Variants in CRK observed in about 807,000 individuals in gnomAD.
CRK encodes the protein adapter molecule crk.
Under a neutral mutation model 29.8 loss-of-function variants are expected in CRK, and 4 were observed. That is an observed-to-expected ratio of 0.13 (90% CI 0.07 to 0.31). The LOEUF is 0.31. Ranked by LOEUF, CRK falls within the 10% of genes least tolerant of loss-of-function variation. The pLI is 1.00. For missense variants in CRK, 274 were observed against 396.5 expected (o/e 0.69, Z 2.62); for synonymous variants, 153 against 164.9 (o/e 0.93, Z 0.55).
intron 1 of CRK, among the ~76,000 whole-genome samples, chr17:1,454,464 C>T (rs1290221744): frequency 6.6e-6 from 1 of 152,124 alleles, no homozygotes; most frequent in African/African-American, 2.4e-5. Flanking sequence ...CGCCGTGAGC[C>T]GAGATTGCGC....
At chr17:1,428,893 T>A (rs1034541008) in intron 2 of CRK, among the ~76,000 whole-genome samples, 2 of 151,450 alleles carry the variant, frequency 1.3e-5, no homozygotes, top group Non-Finnish European at 2.9e-5. Flanking sequence ...TCACCCAGGC[T>A]GGAGTCCAGT....
At chr17:1,431,160 G>A (rs1179292648) in intron 2 of CRK, among the ~76,000 whole-genome samples, 1 of 152,176 alleles carries the variant, frequency 6.6e-6, no homozygotes, top group South Asian at 2.1e-4. Context: ...ATGCTCCTGA[G>A]GTCCCAAAGG....
intron 2 of CRK, among the ~76,000 whole-genome samples, chr17:1,430,313 G>A (rs1003889289): frequency 5.9e-5 from 9 of 151,520 alleles, no homozygotes; most frequent in African/African-American, 2.2e-4. Flanking sequence ...CTCCCAAAGT[G>A]CTGGGATTAC....
intron 1 of CRK, among the ~76,000 whole-genome samples, chr17:1,450,543 C>A (rs2074009669): frequency 6.6e-6 from 1 of 151,516 alleles, no homozygotes. Context: ...AAAAATGACA[C>A]CTAAGCCATT....
chr17:1,446,548 C>T (rs1243605008), intron 1 of CRK, among the ~76,000 whole-genome samples: 1 of 150,178 alleles, frequency 6.7e-6, no homozygotes, highest in Non-Finnish European at 1.5e-5. Flanking sequence ...TAATTCTCTT[C>T]TTGGTCAAAT....
rs1002676235 is a variant in CRK, at chr17:1,436,546, C to T, written c.777+74G>A. 57 of 1,472,920 alleles carry T rather than the reference C, an allele frequency of 3.9e-5. No individual in the cohort carries two copies. The Admixed American group carries it at 1.2e-3, about 30-fold the overall frequency. The allele number at this position is 1,472,920 out of a possible 1,614,324, so 91.2% of individuals were successfully genotyped here. A position where few individuals can be genotyped will look rare whatever the true frequency, so the allele number is the denominator to read the frequency against. ...CATCCCAATGCTGTAGTCAGCATTG[C>T]TACAAAGCTCTAAGAGGACCGAGAG... On this transcript the variant is annotated intron_variant, in intron 2 of 2. Transcript: ENST00000300574.
intron 1 of CRK, among the ~76,000 whole-genome samples, chr17:1,451,728 A>C (rs554303807): frequency 3.9e-5 from 6 of 151,946 alleles, no homozygotes; most frequent in South Asian, 4.2e-4. Flanking sequence ...GGAAAAAAAA[A>C]CAAAAAACAC....
intron 1 of CRK, among the ~76,000 whole-genome samples, chr17:1,446,227 A>C (rs1254223483): frequency 6.6e-6 from 1 of 152,160 alleles, no homozygotes; most frequent in Non-Finnish European, 1.5e-5. Flanking sequence ...TTAGGAAGAC[A>C]ACCTCCCACC....
rs1057020739 is a variant in CRK at position 1,444,593 on chromosome 17, A to AGCG, written c.242-7441_242-7439dup. 2.7e-4 allele frequency among the ~76,000 whole-genome samples: 14 copies of AGCG among 50,948 alleles called. 1 individual carries two copies. The highest frequency in any genetic ancestry group is 2.0e-4 in the African/African-American group (2 of 9,840). The allele number at this position is 50,948 out of a possible 152,430, so 33.4% of individuals were successfully genotyped here. On this transcript the variant is annotated intron_variant, in intron 1 of 2. Coordinates refer to ENST00000300574, the MANE Select transcript of CRK (RefSeq NM_016823.4). Reference sequence around the variant, plus strand: ...TAATCCCAGCACTTTGGGAAGCCGAAGCGGGGGGGGGGATCACCTGAGATC... The same window carrying AGCG: ...TAATCCCAGCACTTTGGGAAGCCGAAGCGGCGGGGGGGGGGATCACCTGAGATC...
At chr17:1,430,608 G>GC (rs1400512953) in intron 2 of CRK, among the ~76,000 whole-genome samples, 1 of 133,398 alleles carries the variant, frequency 7.5e-6, no homozygotes, top group African/African-American at 2.8e-5. Context: ...CTCGTGATCC[G>GC]CCCGCCTTGG....
intron 1 of CRK, among the ~76,000 whole-genome samples, chr17:1,446,705 C>T (rs964130903): frequency 6.6e-6 from 1 of 151,698 alleles, no homozygotes; most frequent in African/African-American, 2.4e-5. Context: ...CATTCTCCTG[C>T]CTCAGCCTCC....
At chr17:1,444,551 G>T (rs189357307) in intron 1 of CRK, among the ~76,000 whole-genome samples, 1 of 150,118 alleles carries the variant, frequency 6.7e-6, no homozygotes, top group Non-Finnish European at 1.5e-5. Flanking sequence ...AAAGCTGGGC[G>T]TGGTGGCTCA....
intron 1 of CRK, among the ~76,000 whole-genome samples, chr17:1,451,177 A>G (rs2074014765): frequency 1.5e-5 from 2 of 131,814 alleles, no homozygotes; most frequent in Non-Finnish European, 3.2e-5. Context: ...TCGGTGACAG[A>G]GCGAGAAACT....
intron 2 of CRK, among the ~76,000 whole-genome samples, chr17:1,433,900 A>AT (rs2073867167): frequency 7.1e-6 from 1 of 141,634 alleles, no homozygotes; most frequent in African/African-American, 2.7e-5. Context: ...GGATCTCACC[A>AT]TGTTGCCCAG....
chr17:1,441,721 A>C (rs2073936518), intron 1 of CRK, among the ~76,000 whole-genome samples: 1 of 151,212 alleles, frequency 6.6e-6, no homozygotes, highest in Non-Finnish European at 1.5e-5. Flanking sequence ...ACAACTCCTG[A>C]CCTCGTGATC....
Position 1,456,082 on chromosome 17 carries a change from G to C in CRK, c.36C>G (p.Ser12Arg). ...GCCGACTCAACCTCCCCCAGTACCA[G>C]CTACTCCGCTCCTCCGAGTCGAAGT... ...AGNFDSEERS[S>R]WYWGRLSRQE... The change falls in exon 1 of 3, where the codon AGC becomes AGG. Residue 12 changes from serine (S) to arginine (R), a missense_variant. By Grantham distance (110) the Ser-to-Arg change is moderately radical. This residue lies in a region of CRK where 135 missense variants were observed against 180.9 expected (regional missense o/e 0.75). Transcript: ENST00000300574. 1 of 1,570,980 alleles carries C rather than the reference G, an allele frequency of 6.4e-7. No homozygotes were observed. Among genetic ancestry groups the C allele is most frequent in the Non-Finnish European group, 8.6e-7 (1 of 1,161,852 alleles).
At chr17:1,452,046 A>C (rs777973710) in intron 1 of CRK, among the ~76,000 whole-genome samples, 2 of 152,130 alleles carry the variant, frequency 1.3e-5, no homozygotes, top group Admixed American at 6.6e-5. Context: ...CAAAGTATTG[A>C]GGATATTGAG....
At chr17:1,440,261 T>C (rs1378178358) in intron 1 of CRK, among the ~76,000 whole-genome samples, 1 of 150,294 alleles carries the variant, frequency 6.7e-6, no homozygotes, top group African/African-American at 2.5e-5. Flanking sequence ...ATCGCGCCAC[T>C]GCACTCCAGC....
intron 2 of CRK, among the ~76,000 whole-genome samples, chr17:1,428,521 C>CTTTTTTTTTT (rs754259440): frequency 9.0e-6 from 1 of 111,198 alleles, no homozygotes; most frequent in African/African-American, 3.5e-5. Flanking sequence ...CATATCAGAT[C>CTTTTTTTTTT]TTTTTTTTTT....
Sources: allele counts gnomAD v4.1 joint callset (sites outside exome capture counted in the v4.1 genomes callset), GRCh38; gene constraint gnomAD v4.1.1; regional missense constraint gnomAD v4.1.1; transcripts MANE v1.5; gene names NCBI Gene and HGNC (gene_info 2026-07-23, HGNC 2026-07-21).